The following SFXN5 variants were observed in gnomAD, a reference collection of about 807,000 sequenced individuals.
The protein encoded by SFXN5 is sideroflexin-5.
Under a neutral mutation model 50.2 loss-of-function variants are expected in SFXN5, and 43 were observed. The observed-to-expected ratio is 0.86, with a 90% CI of 0.67 to 1.11. The LOEUF is 1.11. Among genes scored for constraint, SFXN5 ranks in the 50% least tolerant of loss-of-function variants. The pLI is 0.00. For synonymous variants in SFXN5, 203 were observed against 185.8 expected (o/e 1.09, Z -0.75); for missense variants, 463 against 454.1 (o/e 1.02, Z -0.18).
At chr2:73,047,249 T>TATATATATATATATATATACACACAC (rs1680523361) in intron 2 of SFXN5, among the ~76,000 whole-genome samples, 4 of 19,322 alleles carry the variant, frequency 2.1e-4, no homozygotes, top group Non-Finnish European at 3.5e-4. Flanking sequence ...AAAAAAAATA[T>TATATATATATATATATATACACACAC]ATATATATAT....
intron 3 of SFXN5, among the ~76,000 whole-genome samples, chr2:73,035,491 ATCT>A (rs1678852420): frequency 6.9e-6 from 1 of 144,990 alleles, no homozygotes; most frequent in Non-Finnish European, 1.5e-5. Flanking sequence ...TGGTATCGCA[ATCT>A]TTTTTTTTTT....
intron 2 of SFXN5, among the ~76,000 whole-genome samples, chr2:73,042,123 A>T (rs1400613872): frequency 6.6e-6 from 1 of 152,176 alleles, no homozygotes; most frequent in Non-Finnish European, 1.5e-5. Context: ...AAAAGGATAA[A>T]ACCGTATGAT....
intron 6 of SFXN5, among the ~76,000 whole-genome samples, chr2:73,014,813 G>A (rs1675951637): frequency 2.0e-5 from 3 of 151,904 alleles, no homozygotes; most frequent in Admixed American, 2.0e-4. Context: ...GTTTGTTTTA[G>A]GTTTATAGGC....
chr2:73,016,755 G>GA (rs112020129), intron 6 of SFXN5, among the ~76,000 whole-genome samples: 4 of 152,008 alleles, frequency 2.6e-5, no homozygotes, highest in Admixed American at 1.3e-4. Context: ...TATACTGAGC[G>GA]AAAAAAACAT....
intron 13 of SFXN5, among the ~76,000 whole-genome samples, chr2:72,955,699 G>A (rs1673016739): frequency 6.6e-6 from 1 of 152,238 alleles, no homozygotes. Flanking sequence ...GCCTCTTGTG[G>A]TAGCCAAGCC....
intron 12 of SFXN5, among the ~76,000 whole-genome samples, chr2:72,965,220 GCC>G: frequency 6.6e-6 from 1 of 152,178 alleles, no homozygotes; most frequent in African/African-American, 2.4e-5. Flanking sequence ...ATTGACAGAC[GCC>G]GGCAGGCCAC....
chr2:72,982,707 G>T (rs56144329), intron 10 of SFXN5, among the ~76,000 whole-genome samples: 345 of 152,336 alleles, frequency 2.3e-3, no homozygotes, highest in Non-Finnish European at 3.5e-3. Flanking sequence ...TCCAAGAGGA[G>T]ATGGTGTTTG....
rs114148455 is a variant in SFXN5, at chr2:72,998,676, C to T, written c.534+273G>A. The T allele has an allele frequency of 5.6e-3, 2,673 of 477,428 alleles. 77 individuals carry two copies. Among genetic ancestry groups the T allele is most frequent in the African/African-American group, 0.047 (2,381 of 51,202 alleles). The allele number at this position is 477,428 out of a possible 1,614,324, so 29.6% of individuals were successfully genotyped here. A position where few individuals can be genotyped will look rare whatever the true frequency, so the allele number is the denominator to read the frequency against. ...TCTTCCGAGCAGAGTGCTGGGCAAC[C>T]GCAGCCCCACTCAAGACAGATGTCC... On this transcript the variant is annotated intron_variant, in intron 9 of 13. Coordinates refer to ENST00000272433, the MANE Select transcript of SFXN5 (RefSeq NM_144579.3).
At chr2:72,988,078 C>G (rs1672124339) in intron 10 of SFXN5, among the ~76,000 whole-genome samples, 180 bp downstream of exon 10, 1 of 152,248 alleles carries the variant, frequency 6.6e-6, no homozygotes, top group Non-Finnish European at 1.5e-5. Context: ...AATCTCAGCA[C>G]AGAGCTGGTC....
intron 6 of SFXN5, among the ~76,000 whole-genome samples, chr2:73,005,871 G>C (rs1313941488): frequency 6.6e-6 from 1 of 151,370 alleles, no homozygotes; most frequent in Non-Finnish European, 1.5e-5. Context: ...ATCTCTGCTG[G>C]ACTGGGACAA....
intron 3 of SFXN5, among the ~76,000 whole-genome samples, chr2:73,027,617 C>T (rs1003899328): frequency 2.2e-4 from 34 of 152,272 alleles, no homozygotes; most frequent in African/African-American, 6.7e-4. Context: ...GTCCTGCAAG[C>T]TCCATTGATG....
intron 6 of SFXN5, among the ~76,000 whole-genome samples, chr2:73,007,517 C>G (rs758058511): frequency 6.6e-6 from 1 of 152,068 alleles, no homozygotes; most frequent in Non-Finnish European, 1.5e-5. Context: ...TCTCCGGCAC[C>G]CTGCATGCCT....
intron 9 of SFXN5, among the ~76,000 whole-genome samples, chr2:72,993,009 A>G (rs893259): frequency 0.35 from 53,289 of 152,012 alleles, 11,827 homozygotes; most frequent in African/African-American, 0.62. Context: ...AGCAGGGCTC[A>G]GCCAAGGATC....
At chr2:72,982,455 T>C (rs905392782) in intron 10 of SFXN5, among the ~76,000 whole-genome samples, 3 of 152,262 alleles carry the variant, frequency 2.0e-5, no homozygotes, top group Non-Finnish European at 4.4e-5. Context: ...GAGTGACTCA[T>C]CTCAAACCTT....
intron 3 of SFXN5, among the ~76,000 whole-genome samples, chr2:73,023,578 T>C (rs538889618): frequency 6.6e-6 from 1 of 152,346 alleles, no homozygotes; most frequent in South Asian, 2.1e-4. Context: ...TAAATGAAGA[T>C]ACTTCAATTG....
intron 2 of SFXN5, among the ~76,000 whole-genome samples, chr2:73,056,382 C>CAA (rs35625459): frequency 3.5e-5 from 5 of 142,114 alleles, no homozygotes; most frequent in Middle Eastern, 3.6e-3. Flanking sequence ...GACTCTGTCT[C>CAA]AAAAAAAAAA....
chr2:73,051,000 C>G (rs989728982), intron 2 of SFXN5, among the ~76,000 whole-genome samples: 1 of 152,210 alleles, frequency 6.6e-6, no homozygotes, highest in Non-Finnish European at 1.5e-5. Context: ...TGCTCTCAAG[C>G]CCTGCCTTCC....
At chr2:72,999,870 G>A (rs368118863) in intron 8 of SFXN5, among the ~76,000 whole-genome samples, 2 of 152,136 alleles carry the variant, frequency 1.3e-5, no homozygotes, top group African/African-American at 4.8e-5. Context: ...CAAAGCAGGG[G>A]CCCAGCAGCC....
intron 2 of SFXN5, among the ~76,000 whole-genome samples, chr2:73,044,092 T>G (rs1428248228): frequency 6.6e-6 from 1 of 152,150 alleles, no homozygotes; most frequent in Non-Finnish European, 1.5e-5. Context: ...AATGGCCCCA[T>G]GTTCTCATTA....
Sources: allele counts gnomAD v4.1 joint callset (sites outside exome capture counted in the v4.1 genomes callset), GRCh38; gene constraint gnomAD v4.1.1; transcripts MANE v1.5; gene names NCBI Gene and HGNC (gene_info 2026-07-23, HGNC 2026-07-21).